The following CACHD1 variants were observed in gnomAD, a reference collection of about 807,000 sequenced individuals.
CACHD1 encodes VWFA and cache domain-containing protein 1.
A neutral mutation model predicts 138.7 loss-of-function variants in CACHD1; 71 were observed. The observed-to-expected ratio is 0.51, with a 90% CI of 0.42 to 0.62. The LOEUF (loss-of-function observed/expected upper bound fraction) is 0.62. CACHD1 is among the 20% of genes least tolerant of loss of function. CACHD1 has a pLI of 0.00. For synonymous variants in CACHD1, 578 were observed against 591.5 expected (o/e 0.98, Z 0.33); for missense variants, 1,389 against 1,625.3 (o/e 0.85, Z 2.50).
intron 2 of CACHD1, among the ~76,000 whole-genome samples, chr1:64,557,341 C>T (rs1222594183): frequency 6.6e-6 from 1 of 152,026 alleles, no homozygotes; most frequent in Admixed American, 6.5e-5. Flanking sequence ...AGAGTTTACT[C>T]TTAACTTTTT....
At position 64,681,323 on chromosome 1, in the gene CACHD1, G is replaced by T; in HGVS notation, c.3472G>T (p.Asp1158Tyr). ...TGAAAGGGACGACGACAGCCACGAA[G>T]ACAGAGGCATCAGTGAGTATTCAGC... Reference protein sequence around the residue: ...RDERDDDSHEDRGIISNTRFI... With the variant: ...RDERDDDSHEYRGIISNTRFI... The change falls in exon 25 of 27, where the codon GAC (aspartate) becomes TAC (tyrosine). Residue 1158 changes from aspartate to tyrosine, a missense_variant. Asp to Tyr is a radical substitution (Grantham distance 160). Transcript: ENST00000651257. 1 of 1,613,678 alleles carries T rather than the reference G, an allele frequency of 6.2e-7. No homozygotes were observed. Among genetic ancestry groups the T allele is most frequent in the Non-Finnish European group, 8.5e-7 (1 of 1,179,602 alleles).
intron 1 of CACHD1, among the ~76,000 whole-genome samples, chr1:64,523,513 C>G (rs1369030969): frequency 6.6e-6 from 1 of 152,118 alleles, no homozygotes; most frequent in African/African-American, 2.4e-5. Context: ...TTTGACAGAC[C>G]TGTGAACAAA....
At chr1:64,482,632 C>T (rs773037902) in intron 1 of CACHD1, among the ~76,000 whole-genome samples, 1 of 152,154 alleles carries the variant, frequency 6.6e-6, no homozygotes, top group Non-Finnish European at 1.5e-5. Flanking sequence ...CCAGAATTGG[C>T]TTCACTGAAC....
At chr1:64,544,978 A>G (rs1320965509) in intron 1 of CACHD1, among the ~76,000 whole-genome samples, 4 of 152,196 alleles carry the variant, frequency 2.6e-5, no homozygotes, top group Non-Finnish European at 5.9e-5. Flanking sequence ...GGGAAGGCTC[A>G]GGAGACCTTA....
In CACHD1 at chr1:64,470,919, G is replaced by T. The variant is rs1646139658; in HGVS notation, c.175G>T (p.Glu59Ter). 1 of 1,606,614 alleles carries T rather than the reference G, an allele frequency of 6.2e-7. No individual in the cohort carries two copies. Among genetic ancestry groups the T allele is most frequent in the East Asian group, 2.2e-5 (1 of 44,574 alleles). The change falls in exon 1 of 27, where the codon GAG (glutamate) becomes TAG (stop). Residue 59 changes from glutamate (E) to a stop codon, truncating the protein, a stop_gained. Transcript: ENST00000651257. LOFTEE classifies it high-confidence loss of function. The surrounding 1 kb of genome is among the most constrained non-coding windows in gnomAD (Gnocchi z 5.2). ...CCAGATGCGGAGGCTGGCGGCCGAG[G>T]AGCTGGGGGTCGTCACCATGCAGGT... is the stretch of plus-strand genomic sequence containing the variant. Reference protein sequence around the residue: ...ASQMRRLAAEELGVVTMQRIF... With the variant: ...ASQMRRLAAE
intron 1 of CACHD1, among the ~76,000 whole-genome samples, chr1:64,538,209 A>G (rs925503408): frequency 6.6e-6 from 1 of 152,216 alleles, no homozygotes; most frequent in Non-Finnish European, 1.5e-5. Flanking sequence ...CATCACATTT[A>G]TTCCATAAAG....
chr1:64,638,702 G>A (rs1378302042), intron 7 of CACHD1, among the ~76,000 whole-genome samples: 1 of 152,052 alleles, frequency 6.6e-6, no homozygotes, highest in Non-Finnish European at 1.5e-5. Flanking sequence ...GGCTTATAGA[G>A]AGACTCAGCA....
intron 13 of CACHD1, among the ~76,000 whole-genome samples, chr1:64,660,449 A>G (rs927721278): frequency 3.3e-5 from 5 of 152,144 alleles, no homozygotes; most frequent in Admixed American, 1.3e-4. Context: ...TTAAAATTAT[A>G]ATGCTATTGT....
In CACHD1 at chr1:64,574,121, A is replaced by G. The variant is rs575719766; in HGVS notation, c.262-8035A>G. Reference sequence around the variant, plus strand: ...GAATTTAGATAATTTGATCTGGGAGAGTTCACATTTTTCTTCAATTTGAGG... The same window carrying G: ...GAATTTAGATAATTTGATCTGGGAGGGTTCACATTTTTCTTCAATTTGAGG... On this transcript the variant is annotated intron_variant, in intron 2 of 26. Coordinates refer to ENST00000651257, the MANE Select transcript of CACHD1 (RefSeq NM_020925.4). Among the ~76,000 whole-genome samples the G allele has an allele frequency of 5.3e-5, 8 of 152,294 alleles. No individual in the cohort carries two copies. The East Asian group carries it at 1.5e-3, about 29-fold the overall frequency.
intron 1 of CACHD1, among the ~76,000 whole-genome samples, chr1:64,548,969 G>C (rs565011102): frequency 6.6e-6 from 1 of 152,284 alleles, no homozygotes; most frequent in Admixed American, 6.5e-5. Flanking sequence ...AGGAGCGCCA[G>C]ATCTGAAGTC....
At chr1:64,575,702 G>T (rs1283616765) in intron 2 of CACHD1, among the ~76,000 whole-genome samples, 2 of 152,122 alleles carry the variant, frequency 1.3e-5, no homozygotes, top group Non-Finnish European at 2.9e-5. Flanking sequence ...TCATTGTTAC[G>T]TATTTTAAAT....
At chr1:64,584,550 T>C (rs12025997) in intron 3 of CACHD1, among the ~76,000 whole-genome samples, 17,565 of 152,194 alleles carry the variant, frequency 0.12, 1,050 homozygotes, top group Middle Eastern at 0.19. Flanking sequence ...CCTCTTTCTT[T>C]CCTCTCCTTA....
intron 26 of CACHD1, among the ~76,000 whole-genome samples, chr1:64,684,111 C>T (rs180714747): frequency 2.0e-5 from 3 of 152,292 alleles, no homozygotes; most frequent in Non-Finnish European, 4.4e-5. Context: ...GATCCTGACC[C>T]TGTGTAGGCC....
chr1:64,671,440 G>A lies in CACHD1; in HGVS notation c.2388-124G>A, dbSNP rs193242051. On this transcript the variant is annotated intron_variant, in intron 16 of 26. Coordinates refer to ENST00000651257, the MANE Select transcript of CACHD1 (RefSeq NM_020925.4). ...ACTTAGTTGATCATTTTTGTAGGTG[G>A]GAAAAGTAGGGAGGAACAGTGGGAA... 1.2e-5 allele frequency: 12 copies of A among 1,013,140 alleles called. No homozygotes were observed. In the East Asian group the frequency reaches 2.9e-4, roughly 24 times the overall value. 62.8% of individuals were successfully genotyped at this position (1,013,140 alleles called of 1,614,324 possible). A position where few individuals can be genotyped will look rare whatever the true frequency, so the allele number is the denominator to read the frequency against.
At position 64,514,616 on chromosome 1, in the gene CACHD1, C is replaced by T. The variant is rs557684377; in HGVS notation, c.199-35978C>T. Among the ~76,000 whole-genome samples the T allele has an allele frequency of 2.0e-5, 3 of 152,278 alleles. No homozygotes were observed. The Middle Eastern group carries it at 0.01, about 518-fold the overall frequency. On this transcript the variant is annotated intron_variant, in intron 1 of 26. Transcript: ENST00000651257. The stretch of plus-strand genomic sequence containing the variant: ...ATAGGATCATTGGTATTTACCACAG[C>T]AGCAAAGCTATGTGATAACTCCTAT...
At chr1:64,678,525 G>C (rs1172081496) in intron 23 of CACHD1, among the ~76,000 whole-genome samples, 3 of 152,098 alleles carry the variant, frequency 2.0e-5, no homozygotes, top group African/African-American at 7.2e-5. Flanking sequence ...AATTTTACAA[G>C]CCTGGAATTC....
chr1:64,682,975 A>T (rs1015240269), intron 26 of CACHD1, among the ~76,000 whole-genome samples: 4 of 151,852 alleles, frequency 2.6e-5, no homozygotes, highest in Non-Finnish European at 5.9e-5. Context: ...CCTTTTTTAA[A>T]TACATAAATA....
chr1:64,596,274 G>A (rs74080446), intron 3 of CACHD1, among the ~76,000 whole-genome samples: 2,129 of 152,246 alleles, frequency 0.014, 52 homozygotes, highest in African/African-American at 0.049. Flanking sequence ...ATTCTCATGG[G>A]TGGTTAAGTG....
intron 13 of CACHD1, among the ~76,000 whole-genome samples, chr1:64,662,215 G>T (rs1649468142): frequency 6.6e-6 from 1 of 152,226 alleles, no homozygotes. Context: ...CATGCTTTTG[G>T]CAGAGATTCT....
Sources: allele counts gnomAD v4.1 joint callset (sites outside exome capture counted in the v4.1 genomes callset), GRCh38; gene constraint gnomAD v4.1.1; non-coding constraint Gnocchi (gnomAD v3.1); transcripts MANE v1.5; gene names NCBI Gene and HGNC (gene_info 2026-07-23, HGNC 2026-07-21).